The following PARM1 variants were observed in gnomAD, a reference collection of about 807,000 sequenced individuals.
PARM1 encodes prostate androgen-regulated mucin-like protein 1, also known as WSC4, cell wall integrity and stress response component 4 homolog.
Under a neutral mutation model 24.6 loss-of-function variants are expected in PARM1, and 14 were observed. The observed-to-expected ratio is 0.57, with a 90% CI of 0.38 to 0.89. PARM1 has a LOEUF of 0.89. Ranked by LOEUF, PARM1 falls within the 40% of genes least tolerant of loss-of-function variation. PARM1 has a pLI of 0.00. For missense variants in PARM1, 362 were observed against 380.4 expected (o/e 0.95, Z 0.40); for synonymous variants, 179 against 156.6 (o/e 1.14, Z -1.07).
At chr4:74,935,610 T>G (rs1462268106) in intron 1 of PARM1, among the ~76,000 whole-genome samples, 1 of 152,198 alleles carries the variant, frequency 6.6e-6, no homozygotes, top group East Asian at 1.9e-4. Flanking sequence ...CCTTCTCATT[T>G]TCCTCCTCTA....
At chr4:74,958,965 T>C (rs1471915243) in intron 1 of PARM1, among the ~76,000 whole-genome samples, 4 of 152,158 alleles carry the variant, frequency 2.6e-5, no homozygotes, top group Admixed American at 1.3e-4. Flanking sequence ...AGAGTCTTTT[T>C]AAAGAAAAAG....
At position 74,962,023 on chromosome 4, in the gene PARM1, C is replaced by T. The variant is rs547915647; in HGVS notation, c.43+28653C>T. On this transcript the variant is annotated intron_variant, in intron 1 of 3. Transcript: ENST00000307428. ...TTAAAACTATTATCAGTTTTAAAAT[C>T]AGTCTTATTTTAACTTTGGTTTTTA... 1.6e-4 allele frequency among the ~76,000 whole-genome samples: 24 copies of T among 152,176 alleles called. No individual in the cohort carries two copies. In the East Asian group the frequency reaches 4.1e-3, roughly 26 times the overall value.
chr4:75,020,009 CAAAAAAAAAAA>C (rs1161399344), intron 2 of PARM1, among the ~76,000 whole-genome samples: 37 of 31,098 alleles, frequency 1.2e-3, no homozygotes, highest in Admixed American at 3.0e-3. Context: ...GACTCCGTCT[CAAAAAAAAAAA>C]AAAAAAAAAA....
At chr4:74,939,375 A>G (rs1189565350) in intron 1 of PARM1, among the ~76,000 whole-genome samples, 2 of 152,196 alleles carry the variant, frequency 1.3e-5, no homozygotes, top group Non-Finnish European at 2.9e-5. Flanking sequence ...TTAACTGTGT[A>G]TTCCTGAACA....
intron 2 of PARM1, 90 bp from the exon 3 acceptor site, chr4:75,033,793 C>A: frequency 1.1e-6 from 1 of 908,988 alleles, no homozygotes; most frequent in Non-Finnish European, 1.6e-6. Context: ...AAGATGGGAT[C>A]AGGCAGAAGG....
At chr4:75,003,790 G>A (rs527688819) in intron 1 of PARM1, among the ~76,000 whole-genome samples, 78 of 152,268 alleles carry the variant, frequency 5.1e-4, no homozygotes, top group East Asian at 3.9e-4. Context: ...GTGTAGGTGC[G>A]AAACTTTTGT....
At chr4:74,964,069 G>T (rs549641789) in intron 1 of PARM1, among the ~76,000 whole-genome samples, 67 of 152,322 alleles carry the variant, frequency 4.4e-4, no homozygotes, top group African/African-American at 1.5e-3. Flanking sequence ...GTGTCAGGGA[G>T]TTTGAGTGGA....
At chr4:75,005,192 T>A (rs1722747609) in intron 1 of PARM1, among the ~76,000 whole-genome samples, 1 of 152,230 alleles carries the variant, frequency 6.6e-6, no homozygotes, top group Non-Finnish European at 1.5e-5. Context: ...CTTCAGCAGC[T>A]GTGTGGCCTC....
intron 1 of PARM1, among the ~76,000 whole-genome samples, chr4:74,954,183 G>T (rs558116296): frequency 5.9e-5 from 9 of 152,330 alleles, no homozygotes; most frequent in Admixed American, 5.2e-4. Context: ...TTCTGAGATG[G>T]TATATGAAGG....
intron 1 of PARM1, among the ~76,000 whole-genome samples, chr4:74,934,700 G>A (rs935962186): frequency 6.6e-6 from 1 of 152,230 alleles, no homozygotes; most frequent in Non-Finnish European, 1.5e-5. Flanking sequence ...GCAATAGGCA[G>A]CGGAGCTCCC....
At chr4:75,022,794 T>G (rs1723111803) in intron 2 of PARM1, among the ~76,000 whole-genome samples, 1 of 152,144 alleles carries the variant, frequency 6.6e-6, no homozygotes, top group Non-Finnish European at 1.5e-5. Flanking sequence ...CAAAATAATT[T>G]GGCAGGGAAA....
chr4:74,977,741 G>T (rs1722167334), intron 1 of PARM1, among the ~76,000 whole-genome samples: 1 of 152,134 alleles, frequency 6.6e-6, no homozygotes, highest in South Asian at 2.1e-4. Flanking sequence ...CCTACAAAGG[G>T]AAACCCATCA....
intron 1 of PARM1, among the ~76,000 whole-genome samples, chr4:74,936,438 G>GTTTT (rs33956924): frequency 1.9e-4 from 6 of 31,856 alleles, no homozygotes; most frequent in South Asian, 2.7e-3. Context: ...ACATTCAAGT[G>GTTTT]TTTTTTTTTT....
intron 1 of PARM1, among the ~76,000 whole-genome samples, chr4:74,961,094 A>G (rs1721765052): frequency 6.6e-6 from 1 of 152,150 alleles, no homozygotes; most frequent in Admixed American, 6.6e-5. Context: ...AGATTAATAA[A>G]GAGAGAAAAA....
In PARM1 at chr4:75,013,028, C is replaced by T; in HGVS notation, c.647C>T (p.Pro216Leu). ...PTSHATAEPV[P>L]QEKTPPTTVS... ...TCACATGCCACAGCTGAGCCAGTAC[C>T]CCAGGAGAAAACACCCCCAACAACT... The change falls in exon 2 of 4, where the codon CCC becomes CTC. Residue 216 changes from proline (P) to leucine (L), a missense_variant. Pro to Leu is a moderately conservative substitution (Grantham distance 98, BLOSUM62 -3). Transcript: ENST00000307428. The T allele has an allele frequency of 6.2e-7, 1 of 1,613,962 alleles. No homozygotes were observed. The highest frequency in any genetic ancestry group is 8.5e-7 in the Non-Finnish European group (1 of 1,179,864).
intron 1 of PARM1, among the ~76,000 whole-genome samples, chr4:74,984,953 G>T (rs1312180649): frequency 6.6e-6 from 1 of 152,206 alleles, no homozygotes; most frequent in Admixed American, 6.5e-5. Flanking sequence ...GGATGGCAGG[G>T]AGTGACAAAG....
intron 2 of PARM1, among the ~76,000 whole-genome samples, chr4:75,024,067 C>T (rs1723135762): frequency 5.3e-5 from 8 of 152,068 alleles, no homozygotes; most frequent in Admixed American, 5.2e-4. Context: ...GTCAGGAGAT[C>T]AAGACCATCC....
In PARM1 at chr4:75,046,713, G is replaced by C. The variant is rs1210800030; in HGVS notation, c.*466G>C. 6.5e-6 allele frequency: 1 copy of C among 154,110 alleles called. No individual in the cohort carries two copies. The highest frequency in any genetic ancestry group is 1.4e-5 in the Non-Finnish European group (1 of 69,200). 9.5% of individuals were successfully genotyped at this position (154,110 alleles called of 1,614,324 possible). A position where few individuals can be genotyped will look rare whatever the true frequency, so the allele number is the denominator to read the frequency against. On this transcript the variant is annotated 3_prime_UTR_variant, in exon 4 of 4. Coordinates refer to ENST00000307428, the MANE Select transcript of PARM1 (RefSeq NM_015393.4). ...ATTTCACCCTGCATGGGAGAGAGCA[G>C]GGTTTTCTCAGATTCCTTTTTAATC...
At chr4:74,977,718 A>G (rs1391904922) in intron 1 of PARM1, among the ~76,000 whole-genome samples, 4 of 152,182 alleles carry the variant, frequency 2.6e-5, no homozygotes, top group Non-Finnish European at 4.4e-5. Context: ...AGCCAGAGAG[A>G]AAGGCCAGGT....
Sources: allele counts gnomAD v4.1 joint callset (sites outside exome capture counted in the v4.1 genomes callset), GRCh38; gene constraint gnomAD v4.1.1; transcripts MANE v1.5; gene names NCBI Gene and HGNC (gene_info 2026-07-23, HGNC 2026-07-21).